The following PTPRD variants were observed in gnomAD, a reference collection of about 807,000 sequenced individuals.
PTPRD encodes the protein protein tyrosine phosphatase receptor type D, also known as receptor-type tyrosine-protein phosphatase delta.
Under a neutral mutation model 214.5 loss-of-function variants are expected in PTPRD, and 34 were observed. The observed-to-expected ratio is 0.16, with a 90% confidence interval of 0.12 to 0.21. The LOEUF is 0.21. Among genes scored for constraint, PTPRD ranks in the 10% least tolerant of loss-of-function variants. The probability of loss-of-function intolerance (pLI) is 1.00; values close to 1 mark genes in which losing one functional copy is unlikely to be tolerated. For missense variants in PTPRD, 2,545 were observed against 2,398.7 expected, an observed-to-expected ratio of 1.06 and a Z score of -1.27; for synonymous variants, 1,128 against 845.7, an observed-to-expected ratio of 1.33 and a Z score of -5.79.
chr9:10,588,427 T>TACACACACACAC (rs3076471), intron 2 of PTPRD, among the ~76,000 whole-genome samples: 6,154 of 146,544 alleles, frequency 0.042, 175 homozygotes, highest in Non-Finnish European at 0.052. Flanking sequence ...TGGCTTATTG[T>TACACACACACAC]ACACACACAC....
chr9:8,876,383 C>G (rs994618813), intron 11 of PTPRD, among the ~76,000 whole-genome samples: 4 of 152,100 alleles, frequency 2.6e-5, no homozygotes, highest in Non-Finnish European at 5.9e-5. Flanking sequence ...GCCAGTTTAC[C>G]TTTCCTTTTA....
In PTPRD at chr9:8,436,854, G is replaced by C. The variant is rs2095370598; in HGVS notation, c.3989-165C>G. Among the ~76,000 whole-genome samples, 4 of 152,320 alleles carry C rather than the reference G, an allele frequency of 2.6e-5. No individual in the cohort carries two copies. The South Asian group carries it at 6.2e-4, about 24-fold the overall frequency. ...CAAATAGTTTGGTTACTCAAAGCAG[G>C]ACATGCTCTGGGAAGATGAATTTTG... On this transcript the variant is annotated intron_variant, in intron 34 of 45. Coordinates refer to ENST00000381196, the MANE Select transcript of PTPRD (RefSeq NM_002839.4).
chr9:9,944,917 A>G (rs1025945678), intron 4 of PTPRD, among the ~76,000 whole-genome samples: 4 of 152,088 alleles, frequency 2.6e-5, no homozygotes, highest in African/African-American at 9.7e-5. Flanking sequence ...AGGAAGTTAA[A>G]ATGAGAAGCA....
At chr9:9,809,909 G>T (rs1318448838) in intron 5 of PTPRD, among the ~76,000 whole-genome samples, 1 of 152,238 alleles carries the variant, frequency 6.6e-6, no homozygotes, top group East Asian at 1.9e-4. Context: ...GTTAACAATA[G>T]AAGCATTTAT....
intron 2 of PTPRD, among the ~76,000 whole-genome samples, chr9:10,413,455 G>C (rs763407346): frequency 6.6e-6 from 1 of 151,776 alleles, no homozygotes; most frequent in Non-Finnish European, 1.5e-5. Context: ...CAAAGAATCA[G>C]AGATGACCCA....
intron 9 of PTPRD, among the ~76,000 whole-genome samples, chr9:9,323,800 T>A (rs575774700): frequency 6.6e-6 from 1 of 152,168 alleles, no homozygotes; most frequent in African/African-American, 2.4e-5. Context: ...CATTAACTCG[T>A]CATTTACATT....
intron 33 of PTPRD, among the ~76,000 whole-genome samples, chr9:8,453,442 G>A (rs2096049394): frequency 6.6e-6 from 1 of 152,208 alleles, no homozygotes; most frequent in Admixed American, 6.5e-5. Flanking sequence ...GGGATTACAG[G>A]CGTGAGCCAC....
intron 9 of PTPRD, among the ~76,000 whole-genome samples, chr9:9,343,528 T>C (rs1305330983): frequency 6.6e-6 from 1 of 152,132 alleles, no homozygotes; most frequent in African/African-American, 2.4e-5. Context: ...CCTTCTTTTG[T>C]ATATCTCTGA....
chr9:9,111,599 TG>T (rs1264724304), intron 10 of PTPRD, among the ~76,000 whole-genome samples: 1 of 152,154 alleles, frequency 6.6e-6, no homozygotes, highest in African/African-American at 2.4e-5. Flanking sequence ...ATTTTACATC[TG>T]GTAAAAGTGA....
rs78570136 is a variant in PTPRD, at chr9:8,731,955, G to C, written c.64+1825C>G. ...TGAGAGGGAGTAGATTCTTTTTCAA[G>C]GGACATCTTAAGGTTGAAAGCTGGT... On this transcript the variant is annotated intron_variant, in intron 12 of 45. Coordinates refer to ENST00000381196, the MANE Select transcript of PTPRD (RefSeq NM_002839.4). Among the ~76,000 whole-genome samples, 1,291 of 152,266 alleles carry C rather than the reference G, an allele frequency of 8.5e-3. 3 individuals are homozygous for C. Among genetic ancestry groups the C allele is most frequent in the Non-Finnish European group, 0.013 (906 of 68,020 alleles).
intron 3 of PTPRD, among the ~76,000 whole-genome samples, chr9:10,294,431 G>T (rs1159739390): frequency 6.6e-6 from 1 of 151,874 alleles, no homozygotes; most frequent in Non-Finnish European, 1.5e-5. Context: ...TATTTTATGT[G>T]GTGCTTTCCA....
At chr9:10,213,807 C>T (rs2099528150) in intron 3 of PTPRD, among the ~76,000 whole-genome samples, 1 of 152,066 alleles carries the variant, frequency 6.6e-6, no homozygotes, top group Admixed American at 6.6e-5. Context: ...TTTCCATATA[C>T]ATAAGACTTC....
intron 11 of PTPRD, among the ~76,000 whole-genome samples, chr9:8,957,237 C>T (rs2154313974): frequency 6.6e-6 from 1 of 151,852 alleles, no homozygotes; most frequent in East Asian, 1.9e-4. Context: ...AATATAGTCC[C>T]CAAATTTTCT....
At chr9:10,373,182 C>T (rs1222800040) in intron 2 of PTPRD, among the ~76,000 whole-genome samples, 3 of 148,940 alleles carry the variant, frequency 2.0e-5, no homozygotes, top group Non-Finnish European at 4.5e-5. Context: ...TACAAAAATT[C>T]AACATAAAGC....
intron 21 of PTPRD, among the ~76,000 whole-genome samples, chr9:8,517,116 C>G (rs1038854879): frequency 6.8e-6 from 1 of 146,588 alleles, no homozygotes; most frequent in African/African-American, 2.5e-5. Flanking sequence ...CAAGAATAAA[C>G]TTTAGAAGAG....
In PTPRD at chr9:10,367,079, TAA is replaced by T. The variant is rs145427017; in HGVS notation, c.-599-26064_-599-26063del. Among the ~76,000 whole-genome samples the T allele has an allele frequency of 8.1e-3, 1,077 of 133,156 alleles. 9 individuals carry two copies. Among genetic ancestry groups the T allele is most frequent in the African/African-American group, 0.025 (898 of 36,388 alleles). The allele number at this position is 133,156 out of a possible 152,430, so 87.4% of individuals were successfully genotyped here. A position where few individuals can be genotyped will look rare whatever the true frequency, so the allele number is the denominator to read the frequency against. Reference sequence around the variant, plus strand: ...AAAAGAAAAAAGAAACAGACAAACATAAAAAAAAAAAAAAAGGACCTGTGCCT... The same window carrying T: ...AAAAGAAAAAAGAAACAGACAAACATAAAAAAAAAAAAAGGACCTGTGCCT... On this transcript the variant is annotated intron_variant, in intron 2 of 45. Coordinates refer to ENST00000381196, the MANE Select transcript of PTPRD (RefSeq NM_002839.4).
At chr9:10,114,641 A>G (rs993235577) in intron 3 of PTPRD, among the ~76,000 whole-genome samples, 1 of 152,088 alleles carries the variant, frequency 6.6e-6, no homozygotes, top group African/African-American at 2.4e-5. Flanking sequence ...CAGATATGAA[A>G]TATAAGTGCT....
intron 2 of PTPRD, among the ~76,000 whole-genome samples, chr9:10,516,487 T>G (rs752396600): frequency 3.9e-5 from 6 of 151,966 alleles, no homozygotes; most frequent in African/African-American, 1.2e-4. Context: ...TTATCAGATA[T>G]ATGGTTTGCA....
At chr9:8,717,441 T>C (rs1160033743) in intron 12 of PTPRD, among the ~76,000 whole-genome samples, 1 of 152,142 alleles carries the variant, frequency 6.6e-6, no homozygotes, top group East Asian at 1.9e-4. Context: ...TATTCAAAAA[T>C]ACAGTTCAGA....
Sources: allele counts gnomAD v4.1 joint callset (sites outside exome capture counted in the v4.1 genomes callset), GRCh38; gene constraint gnomAD v4.1.1; transcripts MANE v1.5; gene names NCBI Gene and HGNC (gene_info 2026-07-23, HGNC 2026-07-21).